TIMM10: variants seen among roughly 807,000 people sequenced by gnomAD.
TIMM10 encodes translocase of inner mitochondrial membrane 10.
TIMM10 carries 13 observed loss-of-function variants against 9.1 expected under a neutral mutation model. The observed-to-expected ratio is 1.42, with a 90% CI of 0.93 to 2.26. The LOEUF is 2.26. Among genes scored for constraint, TIMM10 ranks in the 30% most tolerant of loss-of-function variants. TIMM10 has a pLI of 0.00. For missense variants in TIMM10, 82 were observed against 113.6 expected, an observed-to-expected ratio of 0.72 and a Z score of 1.26; for synonymous variants, 40 against 42.1, an observed-to-expected ratio of 0.95 and a Z score of 0.20.
intron 2 of TIMM10, among the ~76,000 whole-genome samples, 157 bp from the exon 3 acceptor site, chr11:57,529,075 G>A (rs1944775897): frequency 6.6e-6 from 1 of 152,190 alleles, no homozygotes; most frequent in African/African-American, 2.4e-5. Context: ...TTGCAAGTAG[G>A]AAACTTGTCT....
rs750754049 is a variant in TIMM10 at position 57,530,069 on chromosome 11, G to C, written c.71+50C>G. 5 of 1,597,130 alleles carry C rather than the reference G, an allele frequency of 3.1e-6. No homozygotes were observed. The East Asian group carries it at 8.9e-5, about 29-fold the overall frequency. ...TCATAAGTCATTCACCTTCGATAAG[G>C]GTGACCAAGACTTATTTTCCAAGAC... On this transcript the variant is annotated intron_variant, in intron 2 of 2. Transcript: ENST00000257245.
chr11:57,528,716 C>T lies in TIMM10; in HGVS notation c.*1G>A, dbSNP rs776762079. On this transcript the variant is annotated 3_prime_UTR_variant, in exon 3 of 3. Transcript: ENST00000257245. ...CCCCAGGGTGTATACTGACAGGGAC[C>T]TCATGCAGGCCCAGAGCTCTGCTGC... 9 of 1,613,488 alleles carry T rather than the reference C, an allele frequency of 5.6e-6. No individual in the cohort carries two copies. Among genetic ancestry groups the T allele is most frequent in the Non-Finnish European group, 3.4e-6 (4 of 1,179,966 alleles).
In TIMM10 at chr11:57,528,580, C is replaced by A; in HGVS notation, c.*137G>T. 1.3e-6 allele frequency: 1 copy of A among 753,480 alleles called. No homozygotes were observed. 46.7% of individuals were successfully genotyped at this position (753,480 alleles called of 1,614,324 possible). A position where few individuals can be genotyped will look rare whatever the true frequency, so the allele number is the denominator to read the frequency against. ...AATACTCCTTCACCAGGAGACAGCG[C>A]TACCACTCCGGGATCTTGAAGACTC... On this transcript the variant is annotated 3_prime_UTR_variant, in exon 3 of 3. Transcript: ENST00000257245.
Position 57,528,854 on chromosome 11 carries a change from C to T in TIMM10, c.136G>A (p.Gly46Ser), listed in dbSNP as rs199992484. 1 of 1,613,928 alleles carries T rather than the reference C, an allele frequency of 6.2e-7. No homozygotes were observed. The highest frequency in any genetic ancestry group is 1.3e-5 in the African/African-American group (1 of 75,006). The change falls in exon 3 of 3, where the codon GGC becomes AGC. Residue 46 changes from glycine (G) to serine (S), a missense_variant. By Grantham distance (56) the Gly-to-Ser change is moderately conservative. Coordinates refer to ENST00000257245, the MANE Select transcript of TIMM10 (RefSeq NM_012456.3). ...CATCGGTCCAGGCACACAGACTCGCCCTTGGAGAGCTCTGCTTCCTTGTAG... is the reference window on the plus strand; with the variant it reads ...CATCGGTCCAGGCACACAGACTCGCTCTTGGAGAGCTCTGCTTCCTTGTAG... ...PHYKEAELSK[G>S]ESVCLDRCVS... is the part of the protein sequence containing the mutation.
In TIMM10 at chr11:57,528,811, T is replaced by C; in HGVS notation, c.179A>G (p.Asp60Gly). The C allele has an allele frequency of 6.2e-7, 1 of 1,614,098 alleles. No individual in the cohort carries two copies. ...CTTTTTGCCCATCCGCTCATGGATG[T>C]CCAGGTACTTAGAGACACATCGGTC... is the stretch of plus-strand genomic sequence containing the variant. ...CLDRCVSKYL[D>G]IHERMGKKLT... The change falls in exon 3 of 3, where the codon GAC becomes GGC. Residue 60 changes from aspartate to glycine, a missense_variant. Transcript: ENST00000257245.
At position 57,528,621 on chromosome 11, in the gene TIMM10, G is replaced by C. The variant is rs1944771896; in HGVS notation, c.*96C>G. ...TTGAAGACTCTCTACAGAGAGCCTA[G>C]GCCTGGCAGTCTTCACAGATGACAC... On this transcript the variant is annotated 3_prime_UTR_variant, in exon 3 of 3. Coordinates refer to ENST00000257245, the MANE Select transcript of TIMM10 (RefSeq NM_012456.3). 5.6e-6 allele frequency: 7 copies of C among 1,244,582 alleles called. No homozygotes were observed. In the South Asian group the frequency reaches 9.2e-5, roughly 16 times the overall value. 77.1% of individuals were successfully genotyped at this position (1,244,582 alleles called of 1,614,324 possible).
intron 2 of TIMM10, among the ~76,000 whole-genome samples, chr11:57,529,536 G>A (rs1013836945): frequency 2.6e-5 from 4 of 152,214 alleles, no homozygotes; most frequent in Admixed American, 2.0e-4. Context: ...CAAGTAACAT[G>A]TCCAATTATA....
At chr11:57,529,857 C>T (rs188314219) in intron 2 of TIMM10, among the ~76,000 whole-genome samples, 5 of 152,306 alleles carry the variant, frequency 3.3e-5, no homozygotes, top group African/African-American at 1.2e-4. Context: ...TTTCTTGGAA[C>T]CTAACCAGAG....
intron 2 of TIMM10, among the ~76,000 whole-genome samples, chr11:57,529,210 G>A (rs1944776902): frequency 6.6e-6 from 1 of 152,216 alleles, no homozygotes; most frequent in Non-Finnish European, 1.5e-5. Flanking sequence ...TAAGAGACAT[G>A]TATCCCCATT....
chr11:57,528,876 G>A lies in TIMM10; in HGVS notation c.114C>T (p.Tyr38=). 1.2e-6 allele frequency: 2 copies of A among 1,613,724 alleles called. No homozygotes were observed. Among genetic ancestry groups the A allele is most frequent in the Non-Finnish European group, 1.7e-6 (2 of 1,180,014 alleles). Residue 38 remains tyrosine (Y), a synonymous_variant, in exon 3 of 3, where the codon TAC becomes TAT. Coordinates refer to ENST00000257245, the MANE Select transcript of TIMM10 (RefSeq NM_012456.3). ...CGCCCTTGGAGAGCTCTGCTTCCTT[G>A]TAGTGAGGAGGCACACACTTCCGGT... ...ACHRKCVPPH[Y]KEAELSKGES...
At chr11:57,529,024 A>T in intron 2 of TIMM10, 106 bp from the exon 3 acceptor site, 1 of 1,225,282 alleles carries the variant, frequency 8.2e-7, no homozygotes, top group Admixed American at 2.0e-5. Context: ...CCAAGAAAGC[A>T]GTGTAAATCC....
chr11:57,528,601 G>T lies in TIMM10; in HGVS notation c.*116C>A. The stretch of plus-strand genomic sequence containing the variant: ...AGCGCTACCACTCCGGGATCTTGAA[G>T]ACTCTCTACAGAGAGCCTAGGCCTG... On this transcript the variant is annotated 3_prime_UTR_variant, in exon 3 of 3. Coordinates refer to ENST00000257245, the MANE Select transcript of TIMM10 (RefSeq NM_012456.3). 2.1e-6 allele frequency: 2 copies of T among 965,628 alleles called. No individual in the cohort carries two copies. The highest frequency in any genetic ancestry group is 3.1e-6 in the Non-Finnish European group (2 of 637,948). 59.8% of individuals were successfully genotyped at this position (965,628 alleles called of 1,614,324 possible). A position where few individuals can be genotyped will look rare whatever the true frequency, so the allele number is the denominator to read the frequency against.
Position 57,528,720 on chromosome 11 carries a change from T to G in TIMM10, c.270A>C (p.Ala90=), listed in dbSNP as rs761867159. The change falls in exon 3 of 3, where the codon GCA becomes GCC. Residue 90 remains alanine, a synonymous_variant. Coordinates refer to ENST00000257245, the MANE Select transcript of TIMM10 (RefSeq NM_012456.3). ...AGGGTGTATACTGACAGGGACCTCATGCAGGCCCAGAGCTCTGCTGCACCC... is the reference window on the plus strand; with the variant it reads ...AGGGTGTATACTGACAGGGACCTCAGGCAGGCCCAGAGCTCTGCTGCACCC... ...MKRVQQSSGP[A] 2 of 1,613,528 alleles carry G rather than the reference T, an allele frequency of 1.2e-6. No individual in the cohort carries two copies. The highest frequency in any genetic ancestry group is 2.7e-5 in the African/African-American group (2 of 74,886).
Position 57,530,126 on chromosome 11 carries a change from A to G in TIMM10, c.64T>C (p.Tyr22His). 6.2e-7 allele frequency: 1 copy of G among 1,614,142 alleles called. No homozygotes were observed. Among genetic ancestry groups the G allele is most frequent in the Non-Finnish European group, 8.5e-7 (1 of 1,179,998 alleles). ...ELEVEMMADM[Y>H]NRMTSACHRK... ...GCACATAGTTCTCTTTACCTGTTGT[A>G]CATATCGGCCATCATCTCCACCTCC... The change falls in exon 2 of 3, where the codon TAC becomes CAC. Residue 22 changes from tyrosine to histidine, a missense_variant. Tyr to His is a moderately conservative substitution (Grantham distance 83). Transcript: ENST00000257245.
Position 57,528,930 on chromosome 11 carries a change from G to T in TIMM10, c.72-12C>A. 1 of 1,612,448 alleles carries T rather than the reference G, an allele frequency of 6.2e-7. No individual in the cohort carries two copies. Among genetic ancestry groups the T allele is most frequent in the East Asian group, 2.2e-5 (1 of 44,870 alleles). ...AGGCACTGGTCATTCTGGAGGGAGGGAGGGGCAAGGTCATGTCAGCAGCAT... is the reference window on the plus strand; with the variant it reads ...AGGCACTGGTCATTCTGGAGGGAGGTAGGGGCAAGGTCATGTCAGCAGCAT... On this transcript the variant is annotated splice_polypyrimidine_tract_variant and intron_variant, in intron 2 of 2. Coordinates refer to ENST00000257245, the MANE Select transcript of TIMM10 (RefSeq NM_012456.3).
rs539893 is a variant in TIMM10, at chr11:57,530,178, G to A, written c.12C>T (p.Leu4=). 4.9e-3 allele frequency: 7,855 copies of A among 1,614,098 alleles called. 319 individuals are homozygous for A. The African/African-American group carries it at 0.088, about 18-fold the overall frequency. Residue 4 remains leucine, a synonymous_variant, in exon 2 of 3, where the codon CTC becomes CTT. Transcript: ENST00000257245. ...GCTCCGCAGCCAGCTGTTGGGCCCT[G>A]AGAGGATCCATCTCAGCCTAGCACC... MDP[L]RAQQLAAELE... is the part of the protein sequence containing the mutation.
In TIMM10 at chr11:57,528,777, C is replaced by T; in HGVS notation, c.213G>A (p.Glu71=). The change falls in exon 3 of 3, where the codon GAG becomes GAA. Residue 71 remains glutamate, a synonymous_variant. Coordinates refer to ENST00000257245, the MANE Select transcript of TIMM10 (RefSeq NM_012456.3). ...IHERMGKKLT[E]LSMQDEELMK... ...TCAGCTCTTCATCCTGCATAGACAA[C>T]TCTGTCAACTTTTTGCCCATCCGCT... 1.2e-6 allele frequency: 2 copies of T among 1,614,110 alleles called. No homozygotes were observed. The highest frequency in any genetic ancestry group is 1.7e-6 in the Non-Finnish European group (2 of 1,180,034).
chr11:57,530,229 C>T lies in TIMM10; in HGVS notation c.-40G>A, dbSNP rs774990308. The T allele has an allele frequency of 6.2e-7, 1 of 1,607,700 alleles. No individual in the cohort carries two copies. Among genetic ancestry groups the T allele is most frequent in the Non-Finnish European group, 8.5e-7 (1 of 1,174,726 alleles). On this transcript the variant is annotated 5_prime_UTR_variant, in exon 2 of 3. Coordinates refer to ENST00000257245, the MANE Select transcript of TIMM10 (RefSeq NM_012456.3). ...GTGGAAGGGATCTCCTTCTGGCCTC[C>T]TAATCCTGGGAGCAGACATCACCAT...
At position 57,528,750 on chromosome 11, in the gene TIMM10, C is replaced by A; in HGVS notation, c.240G>T (p.Met80Ile). The A allele has an allele frequency of 6.2e-7, 1 of 1,614,032 alleles. No homozygotes were observed. The highest frequency in any genetic ancestry group is 8.5e-7 in the Non-Finnish European group (1 of 1,180,018). ...GCCCAGAGCTCTGCTGCACCCTCTT[C>A]ATCAGCTCTTCATCCTGCATAGACA... ...TELSMQDEELMKRVQQSSGPA is the reference protein window; with the variant it reads ...TELSMQDEELIKRVQQSSGPA Residue 80 changes from methionine to isoleucine, a missense_variant, in exon 3 of 3, where the codon ATG becomes ATT. Coordinates refer to ENST00000257245, the MANE Select transcript of TIMM10 (RefSeq NM_012456.3).
Sources: gnomAD v4.1 joint callset for allele counts (sites outside exome capture counted in the v4.1 genomes callset) on GRCh38, gnomAD v4.1.1 for gene constraint, MANE v1.5 for transcripts, NCBI Gene and HGNC (gene_info 2026-07-23, HGNC 2026-07-21) for gene names.